NXN: variants seen among roughly 807,000 people sequenced by gnomAD.
NXN encodes nucleoredoxin 1.
NXN carries 16 observed loss-of-function variants against 48.6 expected under a neutral mutation model. The ratio of observed to expected loss-of-function variants is 0.33; its 90% CI spans 0.22 to 0.50. The LOEUF is 0.50. Ranked by LOEUF, NXN falls within the 20% of genes least tolerant of loss-of-function variation. The pLI, the probability that NXN is intolerant of heterozygous loss-of-function variation, is 0.98. For synonymous variants in NXN, 281 were observed against 269.6 expected (o/e 1.04, Z -0.41); for missense variants, 492 against 605.5 (o/e 0.81, Z 1.97).
At chr17:806,525 C>T (rs1029525751) in intron 5 of NXN, among the ~76,000 whole-genome samples, 6 of 152,274 alleles carry the variant, frequency 3.9e-5, no homozygotes, top group South Asian at 2.1e-4. Flanking sequence ...CCCCCACCCA[C>T]GGCCCACCCT....
rs916194128 is a variant in NXN, at chr17:849,868, C to T, written c.361-23790G>A. Among the ~76,000 whole-genome samples the T allele has an allele frequency of 1.3e-5, 2 of 152,104 alleles. No homozygotes were observed. Among genetic ancestry groups the T allele is most frequent in the Admixed American group, 6.6e-5 (1 of 15,262 alleles). The stretch of plus-strand genomic sequence containing the variant: ...GACAGATAAGGAGGGGCAGGAGAGA[C>T]ACCAGAGTCAGAGAGGAGCGAACGA... On this transcript the variant is annotated intron_variant, in intron 1 of 7. Transcript: ENST00000336868. This position sits in a 1 kb window ranked among gnomAD's most constrained non-coding sequence, Gnocchi z 4.2.
intron 1 of NXN, among the ~76,000 whole-genome samples, chr17:923,458 C>T (rs2068768029): frequency 6.6e-6 from 1 of 152,182 alleles, no homozygotes. Context: ...GTCTAGGCTG[C>T]AGTGAGCTGT....
At chr17:842,099 G>C (rs1199166576) in intron 1 of NXN, among the ~76,000 whole-genome samples, 1 of 152,068 alleles carries the variant, frequency 6.6e-6, no homozygotes, top group Non-Finnish European at 1.5e-5. Context: ...TCCCGCCATT[G>C]CACTCCAGCC....
chr17:965,736 C>A (rs541268554), intron 1 of NXN, among the ~76,000 whole-genome samples: 1 of 152,252 alleles, frequency 6.6e-6, no homozygotes, highest in Non-Finnish European at 1.5e-5. Context: ...CCACATAACA[C>A]AGAGCTAAGA....
intron 1 of NXN, among the ~76,000 whole-genome samples, chr17:960,545 T>C (rs2069224235): frequency 2.0e-5 from 3 of 152,076 alleles, no homozygotes; most frequent in African/African-American, 4.8e-5. Context: ...GATCTCCCCA[T>C]GTTGTCCAGG....
chr17:819,225 T>C (rs924824087), intron 5 of NXN: 3 of 562,838 alleles, frequency 5.3e-6, no homozygotes, highest in Non-Finnish European at 9.7e-6. Flanking sequence ...GGGGTTACAG[T>C]GTGAGCTGCC....
At chr17:951,175 TAAAAAA>T (rs59266525) in intron 1 of NXN, among the ~76,000 whole-genome samples, 4,268 of 56,468 alleles carry the variant, frequency 0.076, 167 homozygotes, top group East Asian at 0.26. Flanking sequence ...TGTCTCTACT[TAAAAAA>T]AAAAAAAAAA....
intron 1 of NXN, among the ~76,000 whole-genome samples, chr17:850,292 G>A (rs911226965): frequency 1.3e-5 from 2 of 152,106 alleles, no homozygotes; most frequent in South Asian, 2.1e-4. Flanking sequence ...CTGCTCCCAC[G>A]AGGTACGAGG....
At chr17:972,428 G>T in intron 1 of NXN, among the ~76,000 whole-genome samples, 1 of 152,068 alleles carries the variant, frequency 6.6e-6, no homozygotes, top group South Asian at 2.1e-4. Flanking sequence ...AGTGAGCCGA[G>T]ATCGCGCCAC....
chr17:888,774 G>T (rs988680645), intron 1 of NXN, among the ~76,000 whole-genome samples: 6 of 151,690 alleles, frequency 4.0e-5, no homozygotes, highest in African/African-American at 1.5e-4. Context: ...GACCAACATG[G>T]AGAAACCCCG....
intron 5 of NXN, among the ~76,000 whole-genome samples, chr17:814,851 C>T (rs989265073): frequency 2.0e-5 from 3 of 151,746 alleles, no homozygotes; most frequent in Non-Finnish European, 1.5e-5. Context: ...CTACAACCTC[C>T]GCCTCCCAGG....
rs11320069 is a variant in NXN, at chr17:852,823, CA to C, written c.361-26746del. The stretch of plus-strand genomic sequence containing the variant: ...GCAAATTGGGAAGAAAGAGCTTGAC[CA>C]GAAGTGTTTAATGCAGCATTTCCTC... On this transcript the variant is annotated intron_variant, in intron 1 of 7. Transcript: ENST00000336868. Among the ~76,000 whole-genome samples, 1,332 of 152,110 alleles carry C rather than the reference CA, an allele frequency of 8.8e-3. 26 individuals carry two copies. Among genetic ancestry groups the C allele is most frequent in the African/African-American group, 0.031 (1,275 of 41,412 alleles).
intron 1 of NXN, among the ~76,000 whole-genome samples, chr17:947,592 G>T (rs1597265882): frequency 6.6e-6 from 1 of 152,076 alleles, no homozygotes; most frequent in African/African-American, 2.4e-5. Flanking sequence ...AATTAGCCGG[G>T]AGTGGTGGCA....
chr17:938,591 G>A (rs956008883), intron 1 of NXN, among the ~76,000 whole-genome samples: 6 of 152,136 alleles, frequency 3.9e-5, no homozygotes, highest in African/African-American at 1.2e-4. Context: ...GCGGAGGCAG[G>A]AGAATCACTT....
intron 5 of NXN, among the ~76,000 whole-genome samples, chr17:807,650 G>A (rs1018648566): frequency 1.2e-4 from 19 of 152,222 alleles, no homozygotes; most frequent in East Asian, 5.8e-4. Flanking sequence ...GAGGTGTGCC[G>A]GGACGGGCCG....
intron 1 of NXN, among the ~76,000 whole-genome samples, chr17:839,309 C>T (rs1456740864): frequency 6.6e-6 from 1 of 151,926 alleles, no homozygotes. Context: ...GTGGCAGGTG[C>T]CTGTAATCCC....
At chr17:969,727 T>G in intron 1 of NXN, among the ~76,000 whole-genome samples, 1 of 152,128 alleles carries the variant, frequency 6.6e-6, no homozygotes, top group East Asian at 1.9e-4. Flanking sequence ...TTAAACAGAT[T>G]AAATCCATCC....
Position 955,580 on chromosome 17 carries a change from C to T in NXN, c.360+23739G>A, listed in dbSNP as rs1005756310. ...GAAATATGACTGGCCCAGCCAGACG[C>T]GGTGGCTCACGCCTGTAATCCCAGC... On this transcript the variant is annotated intron_variant, in intron 1 of 7. Coordinates refer to ENST00000336868, the MANE Select transcript of NXN (RefSeq NM_022463.5). 4.8e-5 allele frequency among the ~76,000 whole-genome samples: 7 copies of T among 144,462 alleles called. No homozygotes were observed. The South Asian group carries it at 6.7e-4, about 14-fold the overall frequency. The allele number at this position is 144,462 out of a possible 152,430, so 94.8% of individuals were successfully genotyped here.
chr17:910,903 C>T (rs1364130292), intron 1 of NXN: 1 of 152,182 alleles, frequency 6.6e-6, no homozygotes. Context: ...ATTCCCTCCC[C>T]GCGAGAAGGC....
Sources: gnomAD v4.1 joint callset for allele counts (sites outside exome capture counted in the v4.1 genomes callset) on GRCh38, gnomAD v4.1.1 for gene constraint, Gnocchi (gnomAD v3.1) non-coding constraint, MANE v1.5 for transcripts, NCBI Gene and HGNC (gene_info 2026-07-23, HGNC 2026-07-21) for gene names.